The following OSBP2 variants were observed in gnomAD, a reference collection of about 807,000 sequenced individuals.
OSBP2 encodes oxysterol-binding protein 2.
A neutral mutation model predicts 96.0 loss-of-function variants in OSBP2; 66 were observed. That is an observed-to-expected ratio of 0.69 (90% CI 0.56 to 0.84). The LOEUF (loss-of-function observed/expected upper bound fraction) is 0.84, where lower values mean the gene tolerates loss of function less well. Among genes scored for constraint, OSBP2 ranks in the 40% least tolerant of loss-of-function variants. OSBP2 has a pLI of 0.00. For missense variants in OSBP2, 1,038 were observed against 1,222.7 expected (o/e 0.85, Z 2.25); for synonymous variants, 525 against 520.9 (o/e 1.01, Z -0.11).
intron 2 of OSBP2, among the ~76,000 whole-genome samples, chr22:30,831,225 A>G (rs2038516152): frequency 6.6e-6 from 1 of 152,196 alleles, no homozygotes; most frequent in African/African-American, 2.4e-5. Flanking sequence ...AAGCTTCCCT[A>G]CATTAGACTT....
At chr22:30,727,966 G>A (rs1367459070) in intron 1 of OSBP2, among the ~76,000 whole-genome samples, 1 of 151,610 alleles carries the variant, frequency 6.6e-6, no homozygotes, top group African/African-American at 2.4e-5. Flanking sequence ...TTAGCTGGGT[G>A]TGGTGGTGCG....
chr22:30,858,368 G>C (rs1353064241), intron 2 of OSBP2, among the ~76,000 whole-genome samples: 3 of 150,594 alleles, frequency 2.0e-5, no homozygotes, highest in Non-Finnish European at 4.4e-5. Context: ...GGATGGTCTC[G>C]ATCTCCTGAC....
chr22:30,715,387 G>A, intron 1 of OSBP2, among the ~76,000 whole-genome samples: 1 of 138,102 alleles, frequency 7.2e-6, no homozygotes, highest in Admixed American at 7.5e-5. Context: ...TTTTTGGCCA[G>A]GGAGGAGGGG....
chr22:30,791,155 AG>A (rs983230397), intron 2 of OSBP2, among the ~76,000 whole-genome samples: 6 of 150,738 alleles, frequency 4.0e-5, no homozygotes, highest in Non-Finnish European at 8.9e-5. Flanking sequence ...TTGTATTTTT[AG>A]AAGAGACGGG....
At chr22:30,720,295 C>T (rs985180169) in intron 1 of OSBP2, among the ~76,000 whole-genome samples, 1 of 152,152 alleles carries the variant, frequency 6.6e-6, no homozygotes, top group Non-Finnish European at 1.5e-5. Flanking sequence ...TGGGGTGATC[C>T]TGAGTGGGCT....
intron 2 of OSBP2, among the ~76,000 whole-genome samples, chr22:30,761,864 TG>T (rs2145773556): frequency 1.3e-5 from 2 of 152,298 alleles, no homozygotes; most frequent in African/African-American, 4.8e-5. Context: ...CAACAAGTAG[TG>T]TTGGAACAAT....
At chr22:30,726,175 C>G (rs1481959646) in intron 1 of OSBP2, among the ~76,000 whole-genome samples, 1 of 152,146 alleles carries the variant, frequency 6.6e-6, no homozygotes, top group African/African-American at 2.4e-5. Context: ...TACTCTCATC[C>G]TATGTCTGTG....
intron 2 of OSBP2, among the ~76,000 whole-genome samples, chr22:30,752,288 C>CTTTTTTTTTTTT (rs10691256): frequency 1.2e-4 from 6 of 48,654 alleles, no homozygotes; most frequent in African/African-American, 2.6e-4. Flanking sequence ...CTTTGCTTTG[C>CTTTTTTTTTTTT]TTTTTTTTTT....
rs765469159 is a variant in OSBP2 at position 30,742,409 on chromosome 22, C to CA, written c.853+1054dup. On this transcript the variant is annotated intron_variant, in intron 2 of 13. Coordinates refer to ENST00000332585, the MANE Select transcript of OSBP2 (RefSeq NM_030758.4). ...ATTGCACCAGGGTGAGACTCTGTCT[C>CA]AAAAAAAAAAAAAAGTAATATTTTA... 6.3e-3 allele frequency among the ~76,000 whole-genome samples: 828 copies of CA among 130,710 alleles called. 2 individuals are homozygous for CA. Among genetic ancestry groups the CA allele is most frequent in the African/African-American group, 9.0e-3 (328 of 36,516 alleles). 85.8% of individuals were successfully genotyped at this position (130,710 alleles called of 152,430 possible).
At chr22:30,701,344 C>CTTTTTTTTTTTTTTT (rs1228654999) in intron 1 of OSBP2, among the ~76,000 whole-genome samples, 2 of 127,990 alleles carry the variant, frequency 1.6e-5, no homozygotes, top group Non-Finnish European at 3.3e-5. Context: ...TTTTTCTTTT[C>CTTTTTTTTTTTTTTT]TTTTTTTTTT....
chr22:30,858,024 A>G (rs1305985800), intron 2 of OSBP2, among the ~76,000 whole-genome samples: 1 of 152,116 alleles, frequency 6.6e-6, no homozygotes, highest in African/African-American at 2.4e-5. Flanking sequence ...ATGCCGGGGG[A>G]AAGAGAGGAT....
chr22:30,892,105 T>TGGGGAGATGGAGGTGGGAGTGGAGG (rs2039962254), intron 8 of OSBP2, among the ~76,000 whole-genome samples: 2 of 151,654 alleles, frequency 1.3e-5, no homozygotes, highest in African/African-American at 4.8e-5. Flanking sequence ...CAGGGAAGCC[T>TGGGGAGATGGAGGTGGGAGTGGAGG]GGGGAGATGG....
intron 12 of OSBP2, among the ~76,000 whole-genome samples, chr22:30,896,005 GGTTTT>G (rs2040058573): frequency 6.6e-6 from 1 of 151,516 alleles, no homozygotes; most frequent in African/African-American, 2.4e-5. Context: ...TGAATAAAGG[GGTTTT>G]GTTTGTTTTT....
At chr22:30,798,056 C>T (rs2090790040) in intron 2 of OSBP2, among the ~76,000 whole-genome samples, 1 of 152,200 alleles carries the variant, frequency 6.6e-6, no homozygotes, top group Non-Finnish European at 1.5e-5. Context: ...TTCCCACCAA[C>T]GCTGAGTTTT....
chr22:30,784,812 G>A (rs957734682), intron 2 of OSBP2, among the ~76,000 whole-genome samples: 16 of 144,082 alleles, frequency 1.1e-4, no homozygotes, highest in South Asian at 6.5e-4. Flanking sequence ...TTGCTCTGTC[G>A]CCCAGGCTGG....
chr22:30,735,591 G>T (rs957873688), intron 1 of OSBP2, among the ~76,000 whole-genome samples: 1 of 151,312 alleles, frequency 6.6e-6, no homozygotes, highest in African/African-American at 2.4e-5. Context: ...AATTACAGGC[G>T]TGAGCCACTG....
intron 2 of OSBP2, among the ~76,000 whole-genome samples, chr22:30,775,751 A>T (rs2090424974): frequency 6.6e-6 from 1 of 152,144 alleles, no homozygotes; most frequent in Non-Finnish European, 1.5e-5. Flanking sequence ...TTGTGGGCAC[A>T]TATAGGTGTG....
intron 2 of OSBP2, among the ~76,000 whole-genome samples, chr22:30,796,697 G>C (rs2090767761): frequency 6.6e-6 from 1 of 151,894 alleles, no homozygotes. Context: ...GTAGAGACAG[G>C]GGGGTTCACC....
chr22:30,748,815 G>T (rs2145751995), intron 2 of OSBP2, among the ~76,000 whole-genome samples: 2 of 152,262 alleles, frequency 1.3e-5, no homozygotes, highest in South Asian at 4.2e-4. Flanking sequence ...CTAGCAGGTT[G>T]TTAAGAATTG....
Sources: gnomAD v4.1 joint callset for allele counts (sites outside exome capture counted in the v4.1 genomes callset) on GRCh38, gnomAD v4.1.1 for gene constraint, MANE v1.5 for transcripts, NCBI Gene and HGNC (gene_info 2026-07-23, HGNC 2026-07-21) for gene names.